The following PDGFRA variants were observed in gnomAD, a reference collection of about 807,000 sequenced individuals.
PDGFRA encodes the protein platelet derived growth factor receptor alpha.
A neutral mutation model predicts 121.5 loss-of-function variants in PDGFRA; 25 were observed. That is an observed-to-expected ratio of 0.21 (90% CI 0.15 to 0.29). The LOEUF (loss-of-function observed/expected upper bound fraction) is 0.29. Among genes scored for constraint, PDGFRA ranks in the 10% least tolerant of loss-of-function variants. The pLI is 1.00. For missense variants in PDGFRA, 1,008 were observed against 1,345.1 expected, an observed-to-expected ratio of 0.75 and a Z score of 3.92; for synonymous variants, 463 against 494.8, an observed-to-expected ratio of 0.94 and a Z score of 0.85.
intron 19 of PDGFRA, 43 bp from the exon 20 acceptor site, chr4:54,288,756 C>A (rs1269290280): frequency 1.9e-6 from 2 of 1,069,388 alleles, no homozygotes; most frequent in Non-Finnish European, 2.9e-6. Flanking sequence ...CAGCAATGCA[C>A]TGAGCGTTTG....
chr4:54,291,129 A>G (rs1177558979), intron 22 of PDGFRA, among the ~76,000 whole-genome samples: 3 of 152,210 alleles, frequency 2.0e-5, no homozygotes, highest in Non-Finnish European at 2.9e-5. Context: ...CACAATTCAC[A>G]TAGTATAGTG....
chr4:54,270,816 CT>C, intron 8 of PDGFRA, 68 bp downstream of exon 8: 2 of 885,694 alleles, frequency 2.3e-6, no homozygotes, highest in African/African-American at 1.6e-5. Context: ...AAGCCTGGCA[CT>C]TTTCTCCCCG....
In PDGFRA at chr4:54,288,904, C is replaced by A; in HGVS notation, c.2774+6C>A. ...GACCACGCTACCAGTGAAGTGTGAGCTCCTTCCCCATCCCGGGGGCCTGTG... is the reference window on the plus strand; with the variant it reads ...GACCACGCTACCAGTGAAGTGTGAGATCCTTCCCCATCCCGGGGGCCTGTG... On this transcript the variant is annotated splice_donor_region_variant and intron_variant, in intron 20 of 22. Coordinates refer to ENST00000257290, the MANE Select transcript of PDGFRA (RefSeq NM_006206.6). 1 of 1,594,412 alleles carries A rather than the reference C, an allele frequency of 6.3e-7. No individual in the cohort carries two copies. Among genetic ancestry groups the A allele is most frequent in the Non-Finnish European group, 8.6e-7 (1 of 1,161,988 alleles).
At chr4:54,257,669 T>A (rs1722446633) in intron 1 of PDGFRA, among the ~76,000 whole-genome samples, 1 of 152,204 alleles carries the variant, frequency 6.6e-6, no homozygotes, top group African/African-American at 2.4e-5. Flanking sequence ...CATTCACAGT[T>A]CCTTCTCACT....
chr4:54,286,022 T>C (rs1016971786), intron 18 of PDGFRA, 59 bp downstream of exon 18: 1 of 1,562,752 alleles, frequency 6.4e-7, no homozygotes, highest in African/African-American at 1.4e-5. Flanking sequence ...ATCTCTAAAG[T>C]CAGGTGTTGC....
intron 15 of PDGFRA, among the ~76,000 whole-genome samples, chr4:54,279,217 C>T (rs1314313661): frequency 6.6e-6 from 1 of 152,208 alleles, no homozygotes; most frequent in Admixed American, 6.5e-5. Context: ...GGGAGCACAG[C>T]CCCACTGTCT....
chr4:54,237,902 G>A (rs181748963), intron 1 of PDGFRA, among the ~76,000 whole-genome samples: 163 of 152,344 alleles, frequency 1.1e-3, no homozygotes, highest in Admixed American at 2.5e-3. Flanking sequence ...ATATGGTGAA[G>A]TGGAGAGGGC....
rs1721610508 is a variant in PDGFRA, at chr4:54,245,719, A to C, written c.-12-13038A>C. ...ATCAAATTCACACATAACAATATTAACTTTAAATGTAAATGGACTAAATGC... is the reference window on the plus strand; with the variant it reads ...ATCAAATTCACACATAACAATATTACCTTTAAATGTAAATGGACTAAATGC... On this transcript the variant is annotated intron_variant, in intron 1 of 22. Transcript: ENST00000257290. Among the ~76,000 whole-genome samples the C allele has an allele frequency of 2.6e-5, 4 of 152,210 alleles. No homozygotes were observed. The South Asian group carries it at 8.3e-4, about 31-fold the overall frequency.
rs112147445 is a variant in PDGFRA at position 54,288,945 on chromosome 4, T to G, written c.2774+47T>G. 80 of 1,534,142 alleles carry G rather than the reference T, an allele frequency of 5.2e-5. 2 individuals carry two copies. Among genetic ancestry groups the G allele is most frequent in the African/African-American group, 4.4e-4 (32 of 73,424 alleles). On this transcript the variant is annotated intron_variant, in intron 20 of 22. Coordinates refer to ENST00000257290, the MANE Select transcript of PDGFRA (RefSeq NM_006206.6). The stretch of plus-strand genomic sequence containing the variant: ...GGGGCCTGTGTTCACAGTCTGTGGG[T>G]CTAGGGGGAGGGAGGGGCCCTGAGA...
intron 9 of PDGFRA, 51 bp from the exon 10 acceptor site, chr4:54,273,486 T>A (rs777672961): frequency 1.4e-6 from 2 of 1,473,190 alleles, no homozygotes; most frequent in Non-Finnish European, 1.9e-6. Context: ...CTCCACTCAT[T>A]GCCATGACTC....
intron 8 of PDGFRA, among the ~76,000 whole-genome samples, chr4:54,270,972 C>T (rs1052449017): frequency 5.3e-5 from 8 of 152,102 alleles, no homozygotes; most frequent in Non-Finnish European, 1.2e-4. Flanking sequence ...CTAGGCTCCA[C>T]CAGCTAGCTT....
chr4:54,280,474 C>A lies in PDGFRA; in HGVS notation c.2315C>A (p.Ser772Tyr), dbSNP rs1577735147. The A allele has an allele frequency of 2.5e-6, 4 of 1,612,466 alleles. No individual in the cohort carries two copies. In the East Asian group the frequency reaches 6.7e-5, roughly 27 times the overall value. ...YDRPASYKKK[S>Y]MLDSEVKNLL... is the part of the protein sequence containing the mutation. Reference sequence around the variant, plus strand: ...CGTCCAGCCTCATATAAGAAGAAATCTATGTTAGGTAAAAGTGTCTATACT... The same window carrying A: ...CGTCCAGCCTCATATAAGAAGAAATATATGTTAGGTAAAAGTGTCTATACT... The change falls in exon 16 of 23, where the codon TCT becomes TAT. Residue 772 changes from serine (S) to tyrosine (Y), a missense_variant. Around this residue, in one of 5 missense-constraint regions of PDGFRA, gnomAD observed 128 missense variants for 147.6 expected, o/e 0.87. Coordinates refer to ENST00000257290, the MANE Select transcript of PDGFRA (RefSeq NM_006206.6).
At chr4:54,251,803 A>G (rs560899430) in intron 1 of PDGFRA, among the ~76,000 whole-genome samples, 9 of 152,334 alleles carry the variant, frequency 5.9e-5, no homozygotes, top group Middle Eastern at 3.4e-3. Flanking sequence ...GGCTGGCTCA[A>G]GGCTTTAAGA....
At position 54,259,539 on chromosome 4, in the gene PDGFRA, T is replaced by C. The variant is rs1171579665; in HGVS notation, c.49+722T>C. Among the ~76,000 whole-genome samples, 6 of 152,334 alleles carry C rather than the reference T, an allele frequency of 3.9e-5. No homozygotes were observed. The East Asian group carries it at 1.2e-3, about 29-fold the overall frequency. On this transcript the variant is annotated intron_variant, in intron 2 of 22. Transcript: ENST00000257290. ...TTGGGGTAATTTGTTGAAGTGTGTA[T>C]TGGACTGTCTTAGTTTTCCTCCAGA...
intron 22 of PDGFRA, among the ~76,000 whole-genome samples, chr4:54,290,875 C>T (rs1724598422): frequency 6.6e-6 from 1 of 152,168 alleles, no homozygotes; most frequent in South Asian, 2.1e-4. Context: ...ATATAAGCCT[C>T]TCCTGCCATT....
At chr4:54,270,958 A>G (rs1723319244) in intron 8 of PDGFRA, among the ~76,000 whole-genome samples, 1 of 152,120 alleles carries the variant, frequency 6.6e-6, no homozygotes, top group Admixed American at 6.5e-5. Flanking sequence ...TAGGCGAGGA[A>G]TCCCTAGGCT....
intron 4 of PDGFRA, chr4:54,264,493 G>C (rs1372091286): frequency 3.6e-6 from 1 of 276,372 alleles, no homozygotes; most frequent in East Asian, 1.0e-4. Context: ...TTCTGGGAAA[G>C]TACTGAGAAT....
chr4:54,243,365 G>C (rs1305884502), intron 1 of PDGFRA, among the ~76,000 whole-genome samples: 1 of 152,176 alleles, frequency 6.6e-6, no homozygotes, highest in African/African-American at 2.4e-5. Flanking sequence ...TTACCTACAA[G>C]ATATGTAAGG....
Position 54,297,718 on chromosome 4 carries a change from T to A in PDGFRA, c.*2446T>A, listed in dbSNP as rs1724945023. ...TTTCCTTTTGGCCTCCTGCAAAGTC[T>A]CCAGAAGAAAATTTGCCAATCTTTC... On this transcript the variant is annotated 3_prime_UTR_variant, in exon 23 of 23. Coordinates refer to ENST00000257290, the MANE Select transcript of PDGFRA (RefSeq NM_006206.6). 4.3e-6 allele frequency: 1 copy of A among 233,566 alleles called. No individual in the cohort carries two copies. Among genetic ancestry groups the A allele is most frequent in the South Asian group, 1.8e-4 (1 of 5,536 alleles). The allele number at this position is 233,566 out of a possible 1,614,324, so 14.5% of individuals were successfully genotyped here.
Sources: gnomAD v4.1 joint callset for allele counts (sites outside exome capture counted in the v4.1 genomes callset) on GRCh38, gnomAD v4.1.1 for gene constraint, gnomAD v4.1.1 regional missense constraint, MANE v1.5 for transcripts, NCBI Gene and HGNC (gene_info 2026-07-23, HGNC 2026-07-21) for gene names.